SGCD: variants seen among roughly 807,000 people sequenced by gnomAD.
SGCD encodes the protein delta-sarcoglycan.
A neutral mutation model predicts 36.6 loss-of-function variants in SGCD; 18 were observed. The observed-to-expected ratio is 0.49, with a 90% CI of 0.34 to 0.73. The LOEUF (loss-of-function observed/expected upper bound fraction) is 0.73, where lower values mean the gene tolerates loss of function less well. SGCD is among the 30% of genes least tolerant of loss of function. The pLI is 0.01. For synonymous variants in SGCD, 133 were observed against 130.6 expected (o/e 1.02, Z -0.12); for missense variants, 387 against 346.7 (o/e 1.12, Z -0.92).
the SGCD span, among the ~76,000 whole-genome samples, chr5:155,749,952 C>T: frequency 6.6e-6 from 1 of 152,176 alleles, no homozygotes; most frequent in Admixed American, 6.5e-5. Flanking sequence ...AGCAAATGTG[C>T]TTTGCTTTTG....
chr5:156,414,343 CA>C (rs1397272012), intron 3 of SGCD, among the ~76,000 whole-genome samples: 1 of 152,078 alleles, frequency 6.6e-6, no homozygotes, highest in African/African-American at 2.4e-5. Context: ...AAATGTCCAT[CA>C]ATTGGATATC....
At chr5:156,751,347 A>G (rs1480921851) in intron 7 of SGCD, among the ~76,000 whole-genome samples, 1 of 152,218 alleles carries the variant, frequency 6.6e-6, no homozygotes, top group Non-Finnish European at 1.5e-5. Flanking sequence ...ATAATGAAAA[A>G]AGAAAACATA....
rs376563537 is a variant in SGCD at position 156,329,488 on chromosome 5, G to A, written c.-43-46G>A. On this transcript the variant is annotated intron_variant, in intron 1 of 8. Transcript: ENST00000337851. ...TTCAGATTTCCTAGGCAAGGAGGGG[G>A]CAGGCTCTTCAGACCTTATTTTTAA... 16 of 1,313,168 alleles carry A rather than the reference G, an allele frequency of 1.2e-5. No homozygotes were observed. In the African/African-American group the frequency reaches 1.7e-4, roughly 14 times the overall value. 81.3% of individuals were successfully genotyped at this position (1,313,168 alleles called of 1,614,324 possible).
At chr5:156,528,328 G>A (rs989394899) in intron 4 of SGCD, among the ~76,000 whole-genome samples, 1 of 152,138 alleles carries the variant, frequency 6.6e-6, no homozygotes, top group African/African-American at 2.4e-5. Flanking sequence ...ATGGAATAGT[G>A]CATTGGATGT....
At chr5:156,196,902 G>T (rs1764036411) in intron 3 of SGCD, among the ~76,000 whole-genome samples, 1 of 152,080 alleles carries the variant, frequency 6.6e-6, no homozygotes, top group Non-Finnish European at 1.5e-5. Flanking sequence ...ATCAAAGAAG[G>T]AGCTTTCCAC....
At chr5:156,645,516 G>T (rs1296017527) in intron 6 of SGCD, among the ~76,000 whole-genome samples, 1 of 152,136 alleles carries the variant, frequency 6.6e-6, no homozygotes, top group Non-Finnish European at 1.5e-5. Flanking sequence ...TTACTTGATG[G>T]TATAAACATT....
intron 1 of SGCD, among the ~76,000 whole-genome samples, chr5:156,004,953 G>C (rs1192607269): frequency 6.6e-6 from 1 of 152,182 alleles, no homozygotes; most frequent in East Asian, 1.9e-4. Context: ...CAGTAGCGGA[G>C]TGATAAGTGA....
intron 3 of SGCD, among the ~76,000 whole-genome samples, chr5:156,198,417 T>G (rs1308620980): frequency 6.6e-6 from 1 of 152,178 alleles, no homozygotes; most frequent in African/African-American, 2.4e-5. Context: ...TACTCTGCCT[T>G]TATTAATTCA....
At chr5:155,840,919 G>A in the SGCD span, among the ~76,000 whole-genome samples, 1 of 147,292 alleles carries the variant, frequency 6.8e-6, no homozygotes, top group Non-Finnish European at 1.5e-5. Flanking sequence ...GCTGAGGCAG[G>A]AGAATTGCTT....
intron 3 of SGCD, among the ~76,000 whole-genome samples, chr5:156,166,163 A>G (rs1400059274): frequency 1.3e-5 from 2 of 150,348 alleles, no homozygotes; most frequent in African/African-American, 2.4e-5. Flanking sequence ...TAGTAAATGT[A>G]TCTCTTTTCC....
At chr5:155,817,345 C>T in the SGCD span, among the ~76,000 whole-genome samples, 2 of 150,646 alleles carry the variant, frequency 1.3e-5, no homozygotes, top group African/African-American at 4.9e-5. Flanking sequence ...TTCTGCCATT[C>T]TGATATTAGG....
chr5:156,310,308 G>A (rs971699137), intron 3 of SGCD, among the ~76,000 whole-genome samples: 2 of 152,184 alleles, frequency 1.3e-5, no homozygotes, highest in Non-Finnish European at 2.9e-5. Context: ...GGAAGAGCTT[G>A]CAACACTGGA....
chr5:156,685,855 G>A (rs1217201372), intron 7 of SGCD, among the ~76,000 whole-genome samples: 5 of 152,130 alleles, frequency 3.3e-5, no homozygotes, highest in Non-Finnish European at 5.9e-5. Context: ...ACTTTAGTGG[G>A]AGCTAAATGA....
the SGCD span, among the ~76,000 whole-genome samples, chr5:155,785,778 A>G: frequency 6.6e-6 from 1 of 152,232 alleles, no homozygotes; most frequent in African/African-American, 2.4e-5. Context: ...ATACCCTGCT[A>G]GTACTTTAGT....
intron 3 of SGCD, among the ~76,000 whole-genome samples, chr5:156,175,479 C>G (rs1299014297): frequency 6.6e-6 from 1 of 152,106 alleles, no homozygotes; most frequent in Non-Finnish European, 1.5e-5. Flanking sequence ...ACCTCTTAGT[C>G]TCATCTCTGT....
chr5:156,687,957 A>G (rs943985702), intron 7 of SGCD, among the ~76,000 whole-genome samples: 5 of 152,088 alleles, frequency 3.3e-5, no homozygotes, highest in Non-Finnish European at 7.4e-5. Flanking sequence ...TTTTTCTGAC[A>G]CCTACCCCAG....
intron 7 of SGCD, among the ~76,000 whole-genome samples, chr5:156,647,766 T>G (rs187924293): frequency 6.6e-6 from 1 of 152,270 alleles, no homozygotes; most frequent in East Asian, 1.9e-4. Flanking sequence ...AAATCTAGAT[T>G]CATTCATTTG....
intron 1 of SGCD, among the ~76,000 whole-genome samples, chr5:155,928,562 G>A (rs1757037052): frequency 6.6e-6 from 1 of 151,146 alleles, no homozygotes; most frequent in African/African-American, 2.4e-5. Flanking sequence ...CAGCTACTGA[G>A]GAGGTTGAGG....
the SGCD span, among the ~76,000 whole-genome samples, chr5:155,843,585 A>T: frequency 6.6e-6 from 1 of 152,248 alleles, no homozygotes; most frequent in South Asian, 2.1e-4. Flanking sequence ...CGAAGGCTCA[A>T]CATTTACATG....
Sources: gnomAD v4.1 joint callset for allele counts (sites outside exome capture counted in the v4.1 genomes callset) on GRCh38, gnomAD v4.1.1 for gene constraint, MANE v1.5 for transcripts, NCBI Gene and HGNC (gene_info 2026-07-23, HGNC 2026-07-21) for gene names.